The following RAD51C variants were observed in gnomAD, a reference collection of about 807,000 sequenced individuals.
The protein encoded by RAD51C is RAD51 paralog C.
A neutral mutation model predicts 45.0 loss-of-function variants in RAD51C; 42 were observed. The ratio of observed to expected loss-of-function variants is 0.93; its 90% CI spans 0.73 to 1.21. The LOEUF is 1.21. Among genes scored for constraint, RAD51C ranks in the 50% most tolerant of loss-of-function variants. The pLI is 0.00. For synonymous variants in RAD51C, 172 were observed against 159.8 expected (o/e 1.08, Z -0.58); for missense variants, 474 against 452.2 (o/e 1.05, Z -0.44).
rs1365412631 is a variant in RAD51C at position 58,734,747 on chromosome 17, A to G, written c.*525A>G. The G allele has an allele frequency of 6.3e-6, 1 of 158,572 alleles. No individual in the cohort carries two copies. The highest frequency in any genetic ancestry group is 1.4e-5 in the Non-Finnish European group (1 of 72,442). 9.8% of individuals were successfully genotyped at this position (158,572 alleles called of 1,614,324 possible). A position where few individuals can be genotyped will look rare whatever the true frequency, so the allele number is the denominator to read the frequency against. On this transcript the variant is annotated 3_prime_UTR_variant, in exon 9 of 9. Coordinates refer to ENST00000337432, the MANE Select transcript of RAD51C (RefSeq NM_058216.3). ...GTAGCTGGGGTTACAGGCACCTGCC[A>G]TCGTGCCTGGCTAATTTTTTGTATT... is the stretch of plus-strand genomic sequence containing the variant.
chr17:58,699,785 C>G (rs1008364350), intron 3 of RAD51C: 3 of 152,146 alleles, frequency 2.0e-5, no homozygotes, highest in Non-Finnish European at 4.4e-5. Context: ...CCTTTAGAGA[C>G]TTAGGGTCCT....
chr17:58,712,895 G>A (rs1404080463), intron 5 of RAD51C, among the ~76,000 whole-genome samples: 1 of 152,092 alleles, frequency 6.6e-6, no homozygotes, highest in Non-Finnish European at 1.5e-5. Flanking sequence ...GGCCAAGGTG[G>A]GAGGATCACT....
chr17:58,725,575 G>A (rs1369934106), intron 7 of RAD51C, among the ~76,000 whole-genome samples: 2 of 152,128 alleles, frequency 1.3e-5, no homozygotes, highest in African/African-American at 4.8e-5. Flanking sequence ...GGAAAAGTTT[G>A]CCTTCTTTGT....
chr17:58,698,922 CAA>C (rs1287559201), intron 3 of RAD51C, among the ~76,000 whole-genome samples: 5 of 128,124 alleles, frequency 3.9e-5, no homozygotes, highest in Non-Finnish European at 1.7e-5. Context: ...AACTCCTTCT[CAA>C]AAAAAAAAAA....
Position 58,733,967 on chromosome 17 carries a change from C to T in RAD51C, c.1027-151C>T, listed in dbSNP as rs1159274315. 5.8e-6 allele frequency: 7 copies of T among 1,214,770 alleles called. No homozygotes were observed. In the African/African-American group the frequency reaches 6.1e-5, roughly 11 times the overall value. The allele number at this position is 1,214,770 out of a possible 1,614,324, so 75.2% of individuals were successfully genotyped here. A position where few individuals can be genotyped will look rare whatever the true frequency, so the allele number is the denominator to read the frequency against. ...TCCTGACCTCATGATCTGCCCACCT[C>T]AGCCTCCCAAAGTGCTGGGATTACA... On this transcript the variant is annotated intron_variant, in intron 8 of 8. Transcript: ENST00000337432.
upstream of RAD51C, chr17:58,692,576 G>T: frequency 6.3e-7 from 1 of 1,594,020 alleles, no homozygotes. Context: ...TACGTCTGAC[G>T]TCACGCCGCA....
At chr17:58,726,671 C>G (rs888656199) in intron 7 of RAD51C, among the ~76,000 whole-genome samples, 1 of 150,398 alleles carries the variant, frequency 6.6e-6, no homozygotes, top group African/African-American at 2.5e-5. Flanking sequence ...TATACATATA[C>G]GTATGTATAT....
At chr17:58,712,848 C>T (rs1349000849) in intron 5 of RAD51C, among the ~76,000 whole-genome samples, 1 of 131,654 alleles carries the variant, frequency 7.6e-6, no homozygotes, top group African/African-American at 2.9e-5. Context: ...GTCATGCCAC[C>T]GCAGTGGCTC....
chr17:58,718,430 T>G (rs2048812547), intron 5 of RAD51C, among the ~76,000 whole-genome samples: 1 of 152,228 alleles, frequency 6.6e-6, no homozygotes, highest in Non-Finnish European at 1.5e-5. Flanking sequence ...AGATATGTAT[T>G]AGAAGAGTAT....
rs1249248367 is a variant in RAD51C, at chr17:58,724,240, T to C, written c.965+140T>C. 3.8e-6 allele frequency: 3 copies of C among 780,928 alleles called. No homozygotes were observed. The African/African-American group carries it at 5.2e-5, about 13-fold the overall frequency. 48.4% of individuals were successfully genotyped at this position (780,928 alleles called of 1,614,324 possible). ...GACACTTTTGTTGCCTTGTCTGATA[T>C]CACCTAGAGCAAACATAGAAATGTG... On this transcript the variant is annotated intron_variant, in intron 7 of 8. Transcript: ENST00000337432.
At chr17:58,730,399 G>T (rs533105277) in intron 7 of RAD51C, among the ~76,000 whole-genome samples, 12 of 146,542 alleles carry the variant, frequency 8.2e-5, no homozygotes, top group Non-Finnish European at 1.5e-4. Context: ...GGCTGGTCTT[G>T]AACTCCTGAC....
At chr17:58,729,734 G>T (rs2049335124) in intron 7 of RAD51C, among the ~76,000 whole-genome samples, 1 of 151,554 alleles carries the variant, frequency 6.6e-6, no homozygotes, top group South Asian at 2.1e-4. Flanking sequence ...ACCACACTTG[G>T]CTAACTTTTG....
At chr17:58,720,659 G>A in intron 5 of RAD51C, 87 bp from the exon 6 acceptor site, 2 of 985,140 alleles carry the variant, frequency 2.0e-6, no homozygotes, top group Non-Finnish European at 3.2e-6. Context: ...TTTTAGTAGA[G>A]ATGGGGTTTC....
At chr17:58,724,132 T>C (rs764563670) in intron 7 of RAD51C, 32 bp downstream of exon 7, 4 of 1,570,090 alleles carry the variant, frequency 2.5e-6, no homozygotes, top group East Asian at 2.2e-5. Flanking sequence ...TAACTCCGAA[T>C]ATTGGGTTAA....
chr17:58,695,174 G>GA lies in RAD51C; in HGVS notation c.394dup (p.Thr132AsnfsTer23), dbSNP rs730881940. 4 of 1,611,138 alleles carry GA rather than the reference G, an allele frequency of 2.5e-6. No homozygotes were observed. In the East Asian group the frequency reaches 8.9e-5, roughly 36 times the overall value. Reference sequence around the variant, plus strand: ...GAAATTTGTGGTGCACCAGGTGTTGGAAAAACACAATTATGGTAAAATAAA... The same window carrying GA: ...GAAATTTGTGGTGCACCAGGTGTTGGAAAAAACACAATTATGGTAAAATAAA... On this transcript the variant is annotated frameshift_variant, in exon 2 of 9. Transcript: ENST00000337432. LOFTEE classifies it high-confidence loss of function.
chr17:58,719,673 A>G (rs570969785), intron 5 of RAD51C, among the ~76,000 whole-genome samples: 1 of 152,122 alleles, frequency 6.6e-6, no homozygotes, highest in African/African-American at 2.4e-5. Flanking sequence ...AAAATACTTT[A>G]TGATCAGTAG....
intron 5 of RAD51C, among the ~76,000 whole-genome samples, chr17:58,710,896 G>C (rs1328333320): frequency 6.6e-6 from 1 of 152,040 alleles, no homozygotes; most frequent in Non-Finnish European, 1.5e-5. Flanking sequence ...ATTTGTCTGG[G>C]AGTAAGATGT....
At chr17:58,706,897 T>C (rs985257759) in intron 4 of RAD51C, among the ~76,000 whole-genome samples, 14 of 152,198 alleles carry the variant, frequency 9.2e-5, no homozygotes, top group Admixed American at 7.9e-4. Flanking sequence ...ACCTTTGGTC[T>C]TCTCTCTAGA....
At chr17:58,718,905 T>C (rs2048824695) in intron 5 of RAD51C, among the ~76,000 whole-genome samples, 1 of 152,082 alleles carries the variant, frequency 6.6e-6, no homozygotes, top group Non-Finnish European at 1.5e-5. Context: ...ATAAAAATAT[T>C]CTAGGGAGGC....
Sources: allele counts gnomAD v4.1 joint callset (sites outside exome capture counted in the v4.1 genomes callset), GRCh38; gene constraint gnomAD v4.1.1; transcripts MANE v1.5; gene names NCBI Gene and HGNC (gene_info 2026-07-23, HGNC 2026-07-21).